The following NCAM1 variants were observed in gnomAD, a reference collection of about 807,000 sequenced individuals.
The protein encoded by NCAM1 is antigen recognized by monoclonal antibody 5.1H11.
NCAM1 carries 14 observed loss-of-function variants against 109.8 expected under a neutral mutation model. That is an observed-to-expected ratio of 0.13 (90% CI 0.08 to 0.20). The LOEUF (loss-of-function observed/expected upper bound fraction) is 0.20. Ranked by LOEUF, NCAM1 falls within the 10% of genes least tolerant of loss-of-function variation. NCAM1 has a pLI of 1.00. For missense variants in NCAM1, 774 were observed against 1,109.9 expected (o/e 0.70, Z 4.30); for synonymous variants, 418 against 442.9 (o/e 0.94, Z 0.70).
intron 1 of NCAM1, among the ~76,000 whole-genome samples, chr11:113,070,273 G>T (rs1466048673): frequency 3.3e-5 from 5 of 152,112 alleles, no homozygotes; most frequent in African/African-American, 1.2e-4. Context: ...CTAATAGCCA[G>T]GGAGGTGAAA....
At chr11:113,141,155 C>T (rs1941804402) in intron 1 of NCAM1, among the ~76,000 whole-genome samples, 1 of 152,128 alleles carries the variant, frequency 6.6e-6, no homozygotes, top group Non-Finnish European at 1.5e-5. Context: ...ATCCACTTAA[C>T]AGAGCTCAAC....
intron 1 of NCAM1, among the ~76,000 whole-genome samples, chr11:113,022,460 T>C (rs1310672368): frequency 6.6e-6 from 1 of 152,070 alleles, no homozygotes; most frequent in Non-Finnish European, 1.5e-5. Flanking sequence ...CTTAGACTTG[T>C]GGGATGAAGG....
At chr11:113,193,908 G>A (rs1262865940) in intron 1 of NCAM1, among the ~76,000 whole-genome samples, 7 of 152,064 alleles carry the variant, frequency 4.6e-5, no homozygotes, top group African/African-American at 1.7e-4. Context: ...TGGTTTGTAG[G>A]GGCAGCAACC....
At chr11:113,225,704 G>C (rs961359582) in intron 9 of NCAM1, among the ~76,000 whole-genome samples, 22 of 152,368 alleles carry the variant, frequency 1.4e-4, no homozygotes, top group Non-Finnish European at 3.1e-4. Flanking sequence ...TACCCACAAA[G>C]GGAAGCCCAT....
chr11:113,104,742 T>C (rs1049229451), intron 1 of NCAM1, among the ~76,000 whole-genome samples: 1 of 152,176 alleles, frequency 6.6e-6, no homozygotes, highest in Non-Finnish European at 1.5e-5. Flanking sequence ...ATAAATTGGG[T>C]CTTATGCAGC....
At chr11:113,039,355 C>A (rs7948327) in intron 1 of NCAM1, among the ~76,000 whole-genome samples, 68,461 of 151,938 alleles carry the variant, frequency 0.45, 16,320 homozygotes, top group East Asian at 0.8. Flanking sequence ...CTCTGTAATG[C>A]GGGAAGATGA....
At chr11:113,001,189 C>T (rs782288753) in intron 1 of NCAM1, among the ~76,000 whole-genome samples, 2 of 152,074 alleles carry the variant, frequency 1.3e-5, no homozygotes, top group Admixed American at 6.6e-5. Flanking sequence ...AGGTCTGGAG[C>T]GATCACCACT....
In NCAM1 at chr11:113,271,787, G is replaced by A. The variant is rs555869811; in HGVS notation, c.2367G>A (p.Val789=). Residue 789 remains valine (V), a synonymous_variant, in exon 19 of 20, where the codon GTG becomes GTA. Transcript: ENST00000316851. The part of the protein sequence containing the change: ...FSKDESKEPI[V]EVRTEEERTP... ...AAGATGAGTCCAAGGAGCCCATCGTGGAGGTTCGAACGGAGGAGGAGAGGA... is the reference window on the plus strand; with the variant it reads ...AAGATGAGTCCAAGGAGCCCATCGTAGAGGTTCGAACGGAGGAGGAGAGGA... 2.6e-6 allele frequency: 4 copies of A among 1,563,066 alleles called. No homozygotes were observed. Among genetic ancestry groups the A allele is most frequent in the African/African-American group, 2.7e-5 (2 of 73,672 alleles).
rs145056280 is a variant in NCAM1, at chr11:113,057,878, T to C, written c.52+96214T>C. On this transcript the variant is annotated intron_variant, in intron 1 of 19. Coordinates refer to ENST00000316851, the MANE Select transcript of NCAM1 (RefSeq NM_181351.5). Reference sequence around the variant, plus strand: ...CAGCAGACCGCAAGACTTCTTATCTTTTGCCCCACTTTATGGCCTGGCAGT... The same window carrying C: ...CAGCAGACCGCAAGACTTCTTATCTCTTGCCCCACTTTATGGCCTGGCAGT... 4.3e-3 allele frequency among the ~76,000 whole-genome samples: 652 copies of C among 152,270 alleles called. 5 individuals are homozygous for C. The highest frequency in any genetic ancestry group is 0.015 in the African/African-American group (625 of 41,544).
intron 1 of NCAM1, among the ~76,000 whole-genome samples, chr11:113,183,264 C>T (rs1161543948): frequency 6.6e-6 from 1 of 152,156 alleles, no homozygotes; most frequent in Non-Finnish European, 1.5e-5. Context: ...GCCACAGAAC[C>T]CAGGAGGACG....
intron 1 of NCAM1, among the ~76,000 whole-genome samples, chr11:113,155,431 C>T (rs1555103287): frequency 6.6e-6 from 1 of 151,852 alleles, no homozygotes; most frequent in Non-Finnish European, 1.5e-5. Context: ...ATCACTTGAA[C>T]CCAGGAGGCG....
Position 113,013,532 on chromosome 11 carries a change from AAAACTGC to A in NCAM1, c.52+51869_52+51875del, listed in dbSNP as rs1952129209. 2.0e-5 allele frequency among the ~76,000 whole-genome samples: 3 copies of A among 152,170 alleles called. No homozygotes were observed. In the South Asian group the frequency reaches 6.2e-4, roughly 32 times the overall value. The stretch of plus-strand genomic sequence containing the variant: ...ACATTGTTATGTCTGGAATGGTGCC[AAAACTGC>A]TAACTCTATACTGCTTCAAGTCTAA... On this transcript the variant is annotated intron_variant, in intron 1 of 19. Coordinates refer to ENST00000316851, the MANE Select transcript of NCAM1 (RefSeq NM_181351.5).
intron 1 of NCAM1, among the ~76,000 whole-genome samples, chr11:113,038,676 T>C (rs1555079551): frequency 1.3e-5 from 2 of 152,260 alleles, no homozygotes; most frequent in East Asian, 1.9e-4. Flanking sequence ...TTTGGGAGCG[T>C]TGGATTTAGT....
At chr11:113,227,659 T>C (rs1421572361) in intron 9 of NCAM1, among the ~76,000 whole-genome samples, 1 of 152,214 alleles carries the variant, frequency 6.6e-6, no homozygotes, top group Admixed American at 6.5e-5. Flanking sequence ...ATATCCCTGA[T>C]GAACATCGAT....
chr11:113,208,742 T>A lies in NCAM1; in HGVS notation c.916+740T>A, dbSNP rs543428510. Among the ~76,000 whole-genome samples, 4 of 152,272 alleles carry A rather than the reference T, an allele frequency of 2.6e-5. No homozygotes were observed. The East Asian group carries it at 7.7e-4, about 29-fold the overall frequency. ...ACCTGAACAGATGTCATTTGCATAT[T>A]TGTTTTGGGGATTGTCTGTCTCCTA... On this transcript the variant is annotated intron_variant, in intron 7 of 19. Coordinates refer to ENST00000316851, the MANE Select transcript of NCAM1 (RefSeq NM_181351.5).
intron 1 of NCAM1, among the ~76,000 whole-genome samples, chr11:113,095,904 G>A (rs1469595959): frequency 2.6e-5 from 4 of 152,072 alleles, no homozygotes; most frequent in Non-Finnish European, 5.9e-5. Flanking sequence ...AATAATAATA[G>A]CTGTTTTTAA....
At chr11:113,222,316 C>T (rs1438147145) in intron 9 of NCAM1, among the ~76,000 whole-genome samples, 2 of 152,156 alleles carry the variant, frequency 1.3e-5, no homozygotes, top group Non-Finnish European at 1.5e-5. Context: ...TTATTCAGAA[C>T]GTATAACTCA....
Position 113,207,317 on chromosome 11 carries a change from C to T in NCAM1, c.685C>T (p.Gln229Ter). 6.2e-7 allele frequency: 1 copy of T among 1,614,066 alleles called. No homozygotes were observed. The highest frequency in any genetic ancestry group is 8.5e-7 in the Non-Finnish European group (1 of 1,179,908). The change falls in exon 6 of 20, where the codon CAG (glutamine) becomes TAG (stop). Residue 229 changes from glutamine (Q) to a stop codon, truncating the protein, a stop_gained. Coordinates refer to ENST00000316851, the MANE Select transcript of NCAM1 (RefSeq NM_181351.5). LOFTEE classifies it high-confidence loss of function. ...NIVNATANLG[Q>*]SVTLVCDAEG... ...TGTGAATGCCACCGCCAACCTCGGC[C>T]AGTCCGTCACCCTGGTGTGCGATGC...
At chr11:113,202,227 C>T (rs1259848033) in intron 1 of NCAM1, 152 bp from the exon 2 acceptor site, 1 of 758,354 alleles carries the variant, frequency 1.3e-6, no homozygotes, top group Non-Finnish European at 2.1e-6. Flanking sequence ...ACACAACCTC[C>T]TCCCTTCACT....
Sources: allele counts gnomAD v4.1 joint callset (sites outside exome capture counted in the v4.1 genomes callset), GRCh38; gene constraint gnomAD v4.1.1; transcripts MANE v1.5; gene names NCBI Gene and HGNC (gene_info 2026-07-23, HGNC 2026-07-21).